The following DIAPH3 variants were observed in gnomAD, a reference collection of about 807,000 sequenced individuals.
The protein encoded by DIAPH3 is protein diaphanous homolog 3.
DIAPH3 carries 117 observed loss-of-function variants against 144.3 expected under a neutral mutation model. The observed-to-expected ratio is 0.81, with a 90% confidence interval of 0.70 to 0.95. The LOEUF (loss-of-function observed/expected upper bound fraction) is 0.95. DIAPH3 is among the 40% of genes least tolerant of loss of function. DIAPH3 has a pLI of 0.00. For synonymous variants in DIAPH3, 519 were observed against 488.9 expected, an observed-to-expected ratio of 1.06 and a Z score of -0.81; for missense variants, 1,421 against 1,412.7, an observed-to-expected ratio of 1.01 and a Z score of -0.09.
intron 24 of DIAPH3, among the ~76,000 whole-genome samples, chr13:59,815,353 G>A (rs1343884207): frequency 6.6e-6 from 1 of 151,992 alleles, no homozygotes; most frequent in Non-Finnish European, 1.5e-5. Flanking sequence ...TCTTCCATCT[G>A]TATTTTAGAA....
intron 8 of DIAPH3, among the ~76,000 whole-genome samples, chr13:60,009,733 T>C (rs2053122282): frequency 6.6e-6 from 1 of 152,136 alleles, no homozygotes. Flanking sequence ...AAGCCGAACC[T>C]GCTCAATCCC....
intron 2 of DIAPH3, among the ~76,000 whole-genome samples, chr13:60,118,136 T>G (rs2058745091): frequency 6.6e-6 from 1 of 152,108 alleles, no homozygotes; most frequent in Non-Finnish European, 1.5e-5. Context: ...CAGGGGAAGC[T>G]AAATGAGCAC....
In DIAPH3 at chr13:59,731,703, C is replaced by T. The variant is rs141233182; in HGVS notation, c.3319+42486G>A. On this transcript the variant is annotated intron_variant, in intron 27 of 27. Transcript: ENST00000400324. ...ATAATTGCCATATTCAAAGATCATA[C>T]GAGTTTGCTTGTTATCTATAGTCCT... 2.8e-3 allele frequency among the ~76,000 whole-genome samples: 430 copies of T among 152,084 alleles called. 6 individuals are homozygous for T. The highest frequency in any genetic ancestry group is 2.9e-3 in the South Asian group (14 of 4,808).
chr13:59,693,603 C>T (rs779734987), intron 27 of DIAPH3, among the ~76,000 whole-genome samples: 3 of 151,976 alleles, frequency 2.0e-5, no homozygotes, highest in Non-Finnish European at 2.9e-5. Flanking sequence ...ACAAAAACAG[C>T]GTATTTCCCA....
intron 20 of DIAPH3, among the ~76,000 whole-genome samples, chr13:59,908,329 C>T (rs1390466075): frequency 1.5e-5 from 2 of 132,884 alleles, no homozygotes; most frequent in African/African-American, 5.6e-5. Context: ...CGAGATCGTG[C>T]CACTGTACTC....
chr13:60,047,231 G>T (rs1343918895), intron 4 of DIAPH3, among the ~76,000 whole-genome samples: 2 of 150,592 alleles, frequency 1.3e-5, no homozygotes, highest in Non-Finnish European at 3.0e-5. Context: ...CAGAACAGAA[G>T]AATTAATTTT....
chr13:59,851,134 A>G (rs983231034), intron 22 of DIAPH3, among the ~76,000 whole-genome samples: 29 of 152,296 alleles, frequency 1.9e-4, no homozygotes, highest in African/African-American at 6.7e-4. Context: ...TCAATAAAAT[A>G]CTGGCAAACC....
At chr13:60,098,256 A>G (rs950124618) in intron 3 of DIAPH3, among the ~76,000 whole-genome samples, 5 of 152,128 alleles carry the variant, frequency 3.3e-5, no homozygotes, top group Non-Finnish European at 5.9e-5. Context: ...GGTAAGACAA[A>G]AGAGGAAAAA....
At chr13:59,743,971 T>C (rs1037164709) in intron 27 of DIAPH3, among the ~76,000 whole-genome samples, 1 of 152,100 alleles carries the variant, frequency 6.6e-6, no homozygotes, top group African/African-American at 2.4e-5. Flanking sequence ...TCAAGTAAAA[T>C]GGTGGCAAAT....
At chr13:60,048,980 C>T (rs114208264) in intron 4 of DIAPH3, among the ~76,000 whole-genome samples, 4,052 of 152,248 alleles carry the variant, frequency 0.027, 104 homozygotes, top group East Asian at 0.1. Flanking sequence ...AAAAAATCTA[C>T]GATGTATGGA....
At position 60,015,984 on chromosome 13, in the gene DIAPH3, T is replaced by G; in HGVS notation, c.702-2A>C. On this transcript the variant is annotated splice_acceptor_variant, in intron 6 of 27. Transcript: ENST00000400324. LOFTEE classifies it high-confidence loss of function. ...TTTTTCTTTACAACTTTTTCTTGGC[T>G]GTATTGACATAAAAAATAGCAGTGT... is the stretch of plus-strand genomic sequence containing the variant. 6.2e-7 allele frequency: 1 copy of G among 1,613,006 alleles called. No individual in the cohort carries two copies. The highest frequency in any genetic ancestry group is 8.5e-7 in the Non-Finnish European group (1 of 1,179,338).
At chr13:59,727,645 A>T (rs554187815) in intron 27 of DIAPH3, among the ~76,000 whole-genome samples, 1 of 152,306 alleles carries the variant, frequency 6.6e-6, no homozygotes, top group African/African-American at 2.4e-5. Context: ...AGGGCAAAAC[A>T]CTGCCTATCT....
At chr13:59,971,218 A>G (rs527519970) in intron 15 of DIAPH3, 58 bp from the exon 16 acceptor site, 2 of 1,491,724 alleles carry the variant, frequency 1.3e-6, no homozygotes, top group African/African-American at 2.8e-5. Flanking sequence ...ACATGTAAAT[A>G]TGCACTTTAC....
At position 59,811,036 on chromosome 13, in the gene DIAPH3, T is replaced by C. The variant is rs1008797178; in HGVS notation, c.3028-113A>G. The C allele has an allele frequency of 9.0e-6, 9 of 1,002,196 alleles. No individual in the cohort carries two copies. In the Admixed American group the frequency reaches 1.8e-4, roughly 20 times the overall value. The allele number at this position is 1,002,196 out of a possible 1,614,324, so 62.1% of individuals were successfully genotyped here. ...AGAAACATGATTATCTTTTAGATAA[T>C]GGTGAGTTATGTTAGTAATACAGTC... On this transcript the variant is annotated intron_variant, in intron 24 of 27. Transcript: ENST00000400324.
chr13:60,088,654 C>A (rs1402072286), intron 4 of DIAPH3, among the ~76,000 whole-genome samples: 1 of 152,188 alleles, frequency 6.6e-6, no homozygotes. Flanking sequence ...CAGGGTCTCA[C>A]TCTGTCACCC....
At position 59,881,846 on chromosome 13, in the gene DIAPH3, T is replaced by G. The variant is rs184097211; in HGVS notation, c.2368-2378A>C. Among the ~76,000 whole-genome samples, 200 of 152,314 alleles carry G rather than the reference T, an allele frequency of 1.3e-3. 1 individual carries two copies. Among genetic ancestry groups the G allele is most frequent in the African/African-American group, 4.6e-3 (190 of 41,560 alleles). On this transcript the variant is annotated intron_variant, in intron 20 of 27. Coordinates refer to ENST00000400324, the MANE Select transcript of DIAPH3 (RefSeq NM_001042517.2). ...TTAGATGTCCTTTTCCTATTGTTCTTTCTTCCAAGTTTAGATAAATCAGTA... is the reference window on the plus strand; with the variant it reads ...TTAGATGTCCTTTTCCTATTGTTCTGTCTTCCAAGTTTAGATAAATCAGTA...
At chr13:60,081,708 G>A (rs1036814453) in intron 4 of DIAPH3, among the ~76,000 whole-genome samples, 1 of 151,996 alleles carries the variant, frequency 6.6e-6, no homozygotes, top group African/African-American at 2.4e-5. Flanking sequence ...GTAGCAATAC[G>A]TGTATGGGAA....
intron 4 of DIAPH3, among the ~76,000 whole-genome samples, chr13:60,075,105 C>T (rs1323647374): frequency 1.3e-5 from 2 of 152,164 alleles, no homozygotes; most frequent in Non-Finnish European, 2.9e-5. Flanking sequence ...TCTCACCAAA[C>T]ATTTACTGTC....
At chr13:60,090,371 C>G (rs2057890477) in intron 4 of DIAPH3, among the ~76,000 whole-genome samples, 1 of 147,244 alleles carries the variant, frequency 6.8e-6, no homozygotes, top group African/African-American at 2.5e-5. Flanking sequence ...TGATTGGTGG[C>G]TTTTTTTTTT....
Sources: allele counts gnomAD v4.1 joint callset (sites outside exome capture counted in the v4.1 genomes callset), GRCh38; gene constraint gnomAD v4.1.1; transcripts MANE v1.5; gene names NCBI Gene and HGNC (gene_info 2026-07-23, HGNC 2026-07-21).